ARID2: variants seen among roughly 807,000 people sequenced by gnomAD.
ARID2 encodes the protein AT-rich interaction domain 2.
Under a neutral mutation model 184.6 loss-of-function variants are expected in ARID2, and 32 were observed. The observed-to-expected ratio is 0.17, with a 90% CI of 0.13 to 0.23. The LOEUF is 0.23. ARID2 is among the 10% of genes least tolerant of loss of function. ARID2 has a pLI of 1.00. For missense variants in ARID2, 1,696 were observed against 2,197.6 expected, an observed-to-expected ratio of 0.77 and a Z score of 4.56; for synonymous variants, 836 against 772.6, an observed-to-expected ratio of 1.08 and a Z score of -1.36.
intron 3 of ARID2, among the ~76,000 whole-genome samples, chr12:45,789,824 G>A (rs1942262461): frequency 6.6e-6 from 1 of 151,988 alleles, no homozygotes; most frequent in South Asian, 2.1e-4. Flanking sequence ...ATTTTTTAAA[G>A]CTATTTTGAA....
At chr12:45,834,639 A>T (rs933050633) in intron 6 of ARID2, among the ~76,000 whole-genome samples, 3 of 152,154 alleles carry the variant, frequency 2.0e-5, no homozygotes, top group Admixed American at 1.3e-4. Context: ...GCTACTTGGG[A>T]GGTTGAGGCA....
chr12:45,893,608 T>G, intron 19 of ARID2, 22 bp from the exon 20 acceptor site: 1 of 1,599,692 alleles, frequency 6.3e-7, no homozygotes, highest in Non-Finnish European at 8.5e-7. Flanking sequence ...ATCTTTATTC[T>G]TTTTTTTCCT....
At chr12:45,761,153 G>GT (rs1434988703) in intron 3 of ARID2, among the ~76,000 whole-genome samples, 1 of 152,162 alleles carries the variant, frequency 6.6e-6, no homozygotes, top group African/African-American at 2.4e-5. Flanking sequence ...CAGTGTCCAA[G>GT]TTGAATCTTT....
chr12:45,747,455 T>C (rs993373835), intron 3 of ARID2, among the ~76,000 whole-genome samples: 3 of 152,102 alleles, frequency 2.0e-5, no homozygotes, highest in African/African-American at 7.2e-5. Flanking sequence ...ACTATCAGAG[T>C]CTTGGGGTCA....
chr12:45,888,077 C>A (rs1487330210), intron 16 of ARID2, among the ~76,000 whole-genome samples: 1 of 151,948 alleles, frequency 6.6e-6, no homozygotes, highest in Non-Finnish European at 1.5e-5. Flanking sequence ...CGCCTGTAGT[C>A]CCAGCTACCC....
At chr12:45,847,570 G>A (rs1943465815) in intron 12 of ARID2, among the ~76,000 whole-genome samples, 2 of 152,018 alleles carry the variant, frequency 1.3e-5, no homozygotes, top group Non-Finnish European at 2.9e-5. Flanking sequence ...TTAGTATGAA[G>A]TTCGGCTTAA....
At chr12:45,839,564 T>C in intron 11 of ARID2, 68 bp downstream of exon 11, 1 of 1,523,006 alleles carries the variant, frequency 6.6e-7, no homozygotes, top group Middle Eastern at 1.8e-4. Context: ...TAAGAATAAA[T>C]TTCAATGTGC....
rs761437855 is a variant in ARID2, at chr12:45,850,421, A to G, written c.2298A>G (p.Pro766=). The change falls in exon 15 of 21, where the codon CCA becomes CCG. Residue 766 remains proline (P), a synonymous_variant. Transcript: ENST00000334344. The part of the protein sequence containing the change: ...VVNSQTLLHH[P]SVIPQQSPLH... ...ATTCTCAGACATTGCTTCACCATCC[A>G]TCTGTAATTCCACAGCAGTCTCCAT... is the stretch of plus-strand genomic sequence containing the variant. The G allele has an allele frequency of 1.2e-5, 20 of 1,613,942 alleles. No homozygotes were observed. The highest frequency in any genetic ancestry group is 5.0e-5 in the Admixed American group (3 of 59,978).
At chr12:45,823,036 T>A (rs999030918) in intron 6 of ARID2, among the ~76,000 whole-genome samples, 1 of 152,050 alleles carries the variant, frequency 6.6e-6, no homozygotes. Context: ...CATCAGCACA[T>A]GGAACAGTCT....
chr12:45,833,266 C>T (rs1943155741), intron 6 of ARID2, among the ~76,000 whole-genome samples: 1 of 152,086 alleles, frequency 6.6e-6, no homozygotes, highest in South Asian at 2.1e-4. Flanking sequence ...TTTATTGGGA[C>T]ATAACCCCAT....
chr12:45,759,320 A>G (rs938448777), intron 3 of ARID2, among the ~76,000 whole-genome samples: 1 of 152,190 alleles, frequency 6.6e-6, no homozygotes, highest in Admixed American at 6.5e-5. Context: ...ACATATAGGA[A>G]TATAATGAGA....
chr12:45,890,996 C>A (rs1477048267), intron 16 of ARID2, among the ~76,000 whole-genome samples: 2 of 152,004 alleles, frequency 1.3e-5, no homozygotes, highest in African/African-American at 4.8e-5. Flanking sequence ...GAAACCCCGT[C>A]TCTACTAAAA....
intron 3 of ARID2, among the ~76,000 whole-genome samples, chr12:45,800,530 G>T (rs997902835): frequency 1.2e-4 from 18 of 151,966 alleles, no homozygotes; most frequent in African/African-American, 2.4e-4. Context: ...ACGTGTGCAT[G>T]CATTTGTTTA....
chr12:45,844,092 G>A (rs1943400565), intron 11 of ARID2, among the ~76,000 whole-genome samples: 1 of 152,004 alleles, frequency 6.6e-6, no homozygotes, highest in Non-Finnish European at 1.5e-5. Flanking sequence ...CAGTGCAGGG[G>A]CGCCATCAGA....
chr12:45,884,884 C>G (rs967117226), intron 16 of ARID2, among the ~76,000 whole-genome samples: 3 of 152,108 alleles, frequency 2.0e-5, no homozygotes, highest in African/African-American at 4.8e-5. Context: ...TTGTTCCCAC[C>G]TATGACTTTT....
At chr12:45,756,327 A>G (rs1941571785) in intron 3 of ARID2, among the ~76,000 whole-genome samples, 1 of 152,300 alleles carries the variant, frequency 6.6e-6, no homozygotes. Context: ...ATCTACTGGG[A>G]TGTACTTAGC....
At chr12:45,769,321 A>T (rs1941826808) in intron 3 of ARID2, among the ~76,000 whole-genome samples, 1 of 152,236 alleles carries the variant, frequency 6.6e-6, no homozygotes, top group South Asian at 2.1e-4. Context: ...TTTTTTATCA[A>T]ATAGAGAATG....
At chr12:45,827,524 G>T (rs1943025790) in intron 6 of ARID2, among the ~76,000 whole-genome samples, 1 of 152,008 alleles carries the variant, frequency 6.6e-6, no homozygotes. Flanking sequence ...TCTATGATAG[G>T]AAAACAGACA....
In ARID2 at chr12:45,860,795, T is replaced by C. The variant is rs942806319; in HGVS notation, c.4774-6T>C. 3 of 1,528,478 alleles carry C rather than the reference T, an allele frequency of 2.0e-6. No homozygotes were observed. Among genetic ancestry groups the C allele is most frequent in the African/African-American group, 1.4e-5 (1 of 71,876 alleles). 94.7% of individuals were successfully genotyped at this position (1,528,478 alleles called of 1,614,324 possible). On this transcript the variant is annotated splice_polypyrimidine_tract_variant and splice_region_variant and intron_variant, in intron 15 of 20. Transcript: ENST00000334344. ...TCACAAACTCTGCATTTGTTCTTTT[T>C]CACAGAACACTCCTATGCCACCTTC...
Sources: gnomAD v4.1 joint callset for allele counts (sites outside exome capture counted in the v4.1 genomes callset) on GRCh38, gnomAD v4.1.1 for gene constraint, MANE v1.5 for transcripts, NCBI Gene and HGNC (gene_info 2026-07-23, HGNC 2026-07-21) for gene names.